IQCH: variants seen among roughly 807,000 people sequenced by gnomAD.
IQCH encodes IQ motif containing H, also known as IQ domain-containing protein H.
IQCH carries 98 observed loss-of-function variants against 117.0 expected under a neutral mutation model. The ratio of observed to expected loss-of-function variants is 0.84; its 90% CI spans 0.71 to 0.99. IQCH has a LOEUF of 0.99. Ranked by LOEUF, IQCH falls within the 50% of genes least tolerant of loss-of-function variation. The probability of loss-of-function intolerance (pLI) is 0.00; values close to 1 mark genes in which losing one functional copy is unlikely to be tolerated. For synonymous variants in IQCH, 412 were observed against 448.2 expected, an observed-to-expected ratio of 0.92 and a Z score of 1.02; for missense variants, 1,102 against 1,243.8, an observed-to-expected ratio of 0.89 and a Z score of 1.72.
chr15:67,273,667 A>G (rs951967508), intron 3 of IQCH, among the ~76,000 whole-genome samples: 2 of 152,194 alleles, frequency 1.3e-5, no homozygotes, highest in Non-Finnish European at 2.9e-5. Context: ...TAATAGATTT[A>G]TATTATAGGC....
chr15:67,337,409 C>A (rs1000067544), intron 5 of IQCH, among the ~76,000 whole-genome samples: 2 of 152,106 alleles, frequency 1.3e-5, no homozygotes, highest in African/African-American at 4.8e-5. Context: ...AGTTTCTGAG[C>A]AGATCATTTT....
intron 15 of IQCH, among the ~76,000 whole-genome samples, chr15:67,421,024 A>G (rs1422097514): frequency 6.6e-6 from 1 of 152,252 alleles, no homozygotes; most frequent in Non-Finnish European, 1.5e-5. Flanking sequence ...TCTTCAAATT[A>G]TAATCAGAAT....
rs1325067589 is a variant in IQCH, at chr15:67,391,835, G to A, written c.1632+2829G>A. Among the ~76,000 whole-genome samples, 1 of 152,274 alleles carries A rather than the reference G, an allele frequency of 6.6e-6. No individual in the cohort carries two copies. The highest frequency in any genetic ancestry group is 2.1e-4 in the South Asian group (1 of 4,818). ...CTTGCCTGGAGTCTAGGGCATGCCC[G>A]CAGATGACTATAATACAGAGTTGGG... On this transcript the variant is annotated intron_variant, in intron 12 of 20. Coordinates refer to ENST00000335894, the MANE Select transcript of IQCH (RefSeq NM_001031715.3). This position sits in a 1 kb window ranked among gnomAD's most constrained non-coding sequence, Gnocchi z 4.3.
rs1344422427 is a variant in IQCH at position 67,425,379 on chromosome 15, C to T, written c.2505+3802C>T. 1.3e-5 allele frequency among the ~76,000 whole-genome samples: 2 copies of T among 152,164 alleles called. No individual in the cohort carries two copies. Among genetic ancestry groups the T allele is most frequent in the Non-Finnish European group, 2.9e-5 (2 of 67,998 alleles). ...CTGTAATCCCAGCACTTTGGGTGGC[C>T]GAGGTGGGTGGATCACGAGGTCAGG... On this transcript the variant is annotated intron_variant, in intron 16 of 20. Transcript: ENST00000335894. This position sits in a 1 kb window ranked among gnomAD's most constrained non-coding sequence, Gnocchi z 5.5.
At chr15:67,499,297 C>CAAAAAAAAAAAAA (rs59618730) in intron 20 of IQCH, among the ~76,000 whole-genome samples, 2 of 49,158 alleles carry the variant, frequency 4.1e-5, no homozygotes, top group African/African-American at 8.3e-5. Flanking sequence ...AGACCTGTCC[C>CAAAAAAAAAAAAA]AAAAAAAAAA....
chr15:67,340,446 A>AC (rs1567109979), intron 5 of IQCH, among the ~76,000 whole-genome samples: 9 of 146,116 alleles, frequency 6.2e-5, no homozygotes, highest in Admixed American at 3.4e-4. Context: ...AAAAAAAAAA[A>AC]AAAAAAAAAA....
chr15:67,354,067 C>G (rs1969784402), intron 6 of IQCH, among the ~76,000 whole-genome samples: 1 of 152,014 alleles, frequency 6.6e-6, no homozygotes, highest in African/African-American at 2.4e-5. Context: ...TCAGTTAATT[C>G]TTTTTATACT....
chr15:67,262,624 G>C (rs1020204367), intron 2 of IQCH, among the ~76,000 whole-genome samples: 4 of 152,118 alleles, frequency 2.6e-5, no homozygotes, highest in South Asian at 2.1e-4. Flanking sequence ...TTGCCTAGTA[G>C]ATTTACCTGG....
chr15:67,451,610 A>G (rs368631781), intron 16 of IQCH, among the ~76,000 whole-genome samples: 1 of 151,752 alleles, frequency 6.6e-6, no homozygotes, highest in South Asian at 2.1e-4. Context: ...AATTTCTGTT[A>G]TTTTACATTT....
chr15:67,400,502 T>TTTTTTTTTTTTTTTTA (rs1971616963), intron 14 of IQCH, among the ~76,000 whole-genome samples, 197 bp downstream of exon 14: 1 of 147,906 alleles, frequency 6.8e-6, no homozygotes, highest in Non-Finnish European at 1.5e-5. Context: ...TTTTTTTTTT[T>TTTTTTTTTTTTTTTTA]GAGATGGGGC....
rs1254379896 is a variant in IQCH at position 67,336,910 on chromosome 15, A to G, written c.388-65A>G. 5 of 1,504,670 alleles carry G rather than the reference A, an allele frequency of 3.3e-6. No homozygotes were observed. The Admixed American group carries it at 7.4e-5, about 22-fold the overall frequency. The allele number at this position is 1,504,670 out of a possible 1,614,324, so 93.2% of individuals were successfully genotyped here. A position where few individuals can be genotyped will look rare whatever the true frequency, so the allele number is the denominator to read the frequency against. On this transcript the variant is annotated intron_variant, in intron 4 of 20. Coordinates refer to ENST00000335894, the MANE Select transcript of IQCH (RefSeq NM_001031715.3). ...CTATTCATAACTTTATTTATTGTTTACAAGAAGAAAACTGTTCACTGTGAA... is the reference window on the plus strand; with the variant it reads ...CTATTCATAACTTTATTTATTGTTTGCAAGAAGAAAACTGTTCACTGTGAA...
At chr15:67,309,277 A>ATG (rs1172562732) in intron 4 of IQCH, among the ~76,000 whole-genome samples, 9 of 152,100 alleles carry the variant, frequency 5.9e-5, no homozygotes, top group Non-Finnish European at 8.8e-5. Context: ...TGTCATTTAA[A>ATG]ACATATTATT....
Position 67,454,680 on chromosome 15 carries a change from T to G in IQCH, c.2506-10447T>G, listed in dbSNP as rs561177486. ...AGGTGGGCTTTTGTGACTGGTTTCT[T>G]TCAGTTTCTATAATGTTTTCAAGGT... On this transcript the variant is annotated intron_variant, in intron 16 of 20. Transcript: ENST00000335894. The surrounding 1 kb of genome is among the most constrained non-coding windows in gnomAD (Gnocchi z 5.2). Among the ~76,000 whole-genome samples, 4 of 152,334 alleles carry G rather than the reference T, an allele frequency of 2.6e-5. No homozygotes were observed. Among genetic ancestry groups the G allele is most frequent in the South Asian group, 4.1e-4 (2 of 4,832 alleles).
chr15:67,272,278 A>G lies in IQCH; in HGVS notation c.270-7117A>G, dbSNP rs543928003. ...TCATTGTAGTTAGAAAAAAATACTT[A>G]ATATGGTTTCTACTTTTTAAAATTT... On this transcript the variant is annotated intron_variant, in intron 3 of 20. Transcript: ENST00000335894. Among the ~76,000 whole-genome samples the G allele has an allele frequency of 2.6e-5, 4 of 152,298 alleles. No individual in the cohort carries two copies. In the South Asian group the frequency reaches 8.3e-4, roughly 32 times the overall value.
chr15:67,397,370 G>GAGACAC (rs1357383281), intron 13 of IQCH, among the ~76,000 whole-genome samples: 1 of 152,166 alleles, frequency 6.6e-6, no homozygotes, highest in Non-Finnish European at 1.5e-5. Flanking sequence ...AACCTCCTTA[G>GAGACAC]AGACACATCA....
intron 3 of IQCH, among the ~76,000 whole-genome samples, chr15:67,263,739 T>G (rs1965553089): frequency 6.6e-6 from 1 of 152,246 alleles, no homozygotes; most frequent in South Asian, 2.1e-4. Context: ...ATGTCTTATG[T>G]GCTTGATTAT....
Position 67,365,959 on chromosome 15 carries a change from A to G in IQCH, c.753+6074A>G, listed in dbSNP as rs1244626902. Reference sequence around the variant, plus strand: ...ACAAAAAAAGAATACATATGTAGGTATAGAGAATATGACAAGGTGGAGCTC... The same window carrying G: ...ACAAAAAAAGAATACATATGTAGGTGTAGAGAATATGACAAGGTGGAGCTC... On this transcript the variant is annotated intron_variant, in intron 8 of 20. Transcript: ENST00000335894. The surrounding 1 kb of genome is among the most constrained non-coding windows in gnomAD (Gnocchi z 4.4). 6.6e-6 allele frequency among the ~76,000 whole-genome samples: 1 copy of G among 152,150 alleles called. No individual in the cohort carries two copies. The highest frequency in any genetic ancestry group is 1.9e-4 in the East Asian group (1 of 5,192).
chr15:67,285,743 T>C (rs1244228378), intron 4 of IQCH, among the ~76,000 whole-genome samples: 1 of 152,180 alleles, frequency 6.6e-6, no homozygotes, highest in African/African-American at 2.4e-5. Context: ...GTCAGGTTTG[T>C]CAAAGATCAG....
intron 6 of IQCH, among the ~76,000 whole-genome samples, chr15:67,348,219 C>G (rs1236328490): frequency 1.3e-5 from 2 of 152,122 alleles, no homozygotes; most frequent in African/African-American, 4.8e-5. Context: ...CTCACCACTT[C>G]TATTCAACAT....
Sources: gnomAD v4.1 joint callset for allele counts (sites outside exome capture counted in the v4.1 genomes callset) on GRCh38, gnomAD v4.1.1 for gene constraint, Gnocchi (gnomAD v3.1) non-coding constraint, MANE v1.5 for transcripts, NCBI Gene and HGNC (gene_info 2026-07-23, HGNC 2026-07-21) for gene names.